HIPK3: variants seen among roughly 807,000 people sequenced by gnomAD.
HIPK3 encodes homeodomain interacting protein kinase 3, also known as homeodomain-interacting protein kinase 3.
HIPK3 carries 47 observed loss-of-function variants against 124.2 expected under a neutral mutation model. The ratio of observed to expected loss-of-function variants is 0.38; its 90% CI spans 0.30 to 0.48. The LOEUF is 0.48. Ranked by LOEUF, HIPK3 falls within the 20% of genes least tolerant of loss-of-function variation. The probability of loss-of-function intolerance (pLI) is 0.98; values close to 1 mark genes in which losing one functional copy is unlikely to be tolerated. For missense variants in HIPK3, 1,286 were observed against 1,454.3 expected, an observed-to-expected ratio of 0.88 and a Z score of 1.88; for synonymous variants, 482 against 515.2, an observed-to-expected ratio of 0.94 and a Z score of 0.87.
chr11:33,311,820 T>C (rs1852345558), intron 2 of HIPK3, among the ~76,000 whole-genome samples: 1 of 135,468 alleles, frequency 7.4e-6, no homozygotes, highest in South Asian at 2.4e-4. Flanking sequence ...TTGGGCAACA[T>C]AGCAGGACCC....
At chr11:33,325,300 A>G (rs922396482) in intron 2 of HIPK3, among the ~76,000 whole-genome samples, 1 of 152,086 alleles carries the variant, frequency 6.6e-6, no homozygotes, top group Admixed American at 6.6e-5. Context: ...ACTTTCCTTT[A>G]TTGCCAAATG....
chr11:33,261,818 T>G (rs1167768746), intron 1 of HIPK3, among the ~76,000 whole-genome samples: 1 of 152,240 alleles, frequency 6.6e-6, no homozygotes, highest in Admixed American at 6.5e-5. Flanking sequence ...GTGGCTGAAC[T>G]AATTTACATT....
At chr11:33,336,955 A>G in intron 3 of HIPK3, 120 bp from the exon 4 acceptor site, 1 of 618,482 alleles carries the variant, frequency 1.6e-6, no homozygotes, top group Non-Finnish European at 2.7e-6. Flanking sequence ...TAGACAGTGC[A>G]TTTCTTGAGG....
At position 33,353,288 on chromosome 11, in the gene HIPK3, C is replaced by T; in HGVS notation, c.3368C>T (p.Ser1123Leu). ...CAGCCTACTCTACTTCCATACCCAT[C>T]ATCAGCCACCCTCAGTAGTGCTGCA... ...GGQPTLLPYP[S>L]SATLSSAAPV... The change falls in exon 17 of 17, where the codon TCA (serine) becomes TTA (leucine). Residue 1123 changes from serine to leucine, a missense_variant. Physicochemically the swap from Ser to Leu is moderately radical, Grantham distance 145 (BLOSUM62 -2). Coordinates refer to ENST00000303296, the MANE Select transcript of HIPK3 (RefSeq NM_005734.5). 1 of 1,614,208 alleles carries T rather than the reference C, an allele frequency of 6.2e-7. No individual in the cohort carries two copies. The highest frequency in any genetic ancestry group is 8.5e-7 in the Non-Finnish European group (1 of 1,180,036).
At position 33,295,186 on chromosome 11, in the gene HIPK3, C is replaced by T. The variant is rs116179513; in HGVS notation, c.1097+7675C>T. On this transcript the variant is annotated intron_variant, in intron 2 of 16. Transcript: ENST00000303296. ...GGGAGGATCATAAAATGTGCCAGGA[C>T]GAGACGCTTTTAGAGGCTGTGCCCA... is the stretch of plus-strand genomic sequence containing the variant. Among the ~76,000 whole-genome samples the T allele has an allele frequency of 3.1e-3, 476 of 152,098 alleles. 2 individuals carry two copies. Among genetic ancestry groups the T allele is most frequent in the African/African-American group, 0.011 (448 of 41,470 alleles).
Position 33,337,080 on chromosome 11 carries a change from A to G in HIPK3, c.1227A>G (p.Arg409=), listed in dbSNP as rs377260169. 4.4e-6 allele frequency: 7 copies of G among 1,595,784 alleles called. No individual in the cohort carries two copies. Among genetic ancestry groups the G allele is most frequent in the East Asian group, 2.2e-5 (1 of 44,626 alleles). The change falls in exon 4 of 17, where the codon CGA becomes CGG. Residue 409 remains arginine, a synonymous_variant. Coordinates refer to ENST00000303296, the MANE Select transcript of HIPK3 (RefSeq NM_005734.5). ...YPGALEYDQI[R]YISQTQGLPG... ...TTCTGTAAATTATTTTTCAGATTCGATACATTTCTCAGACTCAAGGTTTGC... is the reference window on the plus strand; with the variant it reads ...TTCTGTAAATTATTTTTCAGATTCGGTACATTTCTCAGACTCAAGGTTTGC...
intron 2 of HIPK3, among the ~76,000 whole-genome samples, chr11:33,315,764 T>C (rs1348916311): frequency 6.6e-6 from 1 of 152,260 alleles, no homozygotes; most frequent in Non-Finnish European, 1.5e-5. Flanking sequence ...ACTATATTTG[T>C]GGCATATTGG....
In HIPK3 at chr11:33,354,639, A is replaced by AT. The variant is rs1853766910; in HGVS notation, c.*1073dup. ...AATAAATAGTAGCAGAACTTTTACT[A>AT]TTGAAGCTTGAAAAGATGTGAGTTC... On this transcript the variant is annotated 3_prime_UTR_variant, in exon 17 of 17. Coordinates refer to ENST00000303296, the MANE Select transcript of HIPK3 (RefSeq NM_005734.5). The AT allele has an allele frequency of 6.6e-6, 1 of 151,702 alleles. No individual in the cohort carries two copies. The highest frequency in any genetic ancestry group is 1.5e-5 in the Non-Finnish European group (1 of 67,862). The allele number at this position is 151,702 out of a possible 1,614,324, so 9.4% of individuals were successfully genotyped here. A position where few individuals can be genotyped will look rare whatever the true frequency, so the allele number is the denominator to read the frequency against.
intron 1 of HIPK3, among the ~76,000 whole-genome samples, chr11:33,264,050 T>G (rs528996516): frequency 6.6e-6 from 1 of 152,248 alleles, no homozygotes; most frequent in Non-Finnish European, 1.5e-5. Flanking sequence ...ACTTCTGATA[T>G]CTATGTCTGT....
intron 3 of HIPK3, among the ~76,000 whole-genome samples, chr11:33,336,115 G>A (rs138098439): frequency 0.01 from 1,557 of 152,278 alleles, 8 homozygotes; most frequent in Non-Finnish European, 0.015. Context: ...GATGGTGGGT[G>A]AGTTACTGAG....
intron 3 of HIPK3, among the ~76,000 whole-genome samples, chr11:33,335,278 G>T (rs266479): frequency 0.014 from 2,098 of 152,170 alleles, 52 homozygotes; most frequent in African/African-American, 0.048. Flanking sequence ...GGGCACTTAG[G>T]ACTTGTAGAG....
chr11:33,258,414 T>G, intron 1 of HIPK3: 2 of 985,576 alleles, frequency 2.0e-6, no homozygotes, highest in Non-Finnish European at 2.4e-6. Flanking sequence ...TGTGGCCCCG[T>G]CCCCAGCGTC....
intron 6 of HIPK3, 64 bp from the exon 7 acceptor site, chr11:33,340,904 G>A: frequency 1.0e-6 from 1 of 979,022 alleles, no homozygotes; most frequent in Non-Finnish European, 1.5e-6. Flanking sequence ...TTTTGTCAAT[G>A]TACCTCAATT....
At chr11:33,312,143 C>T (rs1319137279) in intron 2 of HIPK3, among the ~76,000 whole-genome samples, 2 of 152,204 alleles carry the variant, frequency 1.3e-5, no homozygotes, top group East Asian at 1.9e-4. Context: ...TACAGATGTG[C>T]ACCACTGTCT....
chr11:33,346,636 T>G (rs1461366044), intron 8 of HIPK3, among the ~76,000 whole-genome samples: 2 of 152,244 alleles, frequency 1.3e-5, no homozygotes, highest in African/African-American at 4.8e-5. Flanking sequence ...TAAGCCAGAT[T>G]CTTCTTTCCA....
intron 1 of HIPK3, among the ~76,000 whole-genome samples, chr11:33,279,731 A>G (rs1337051271): frequency 6.6e-6 from 1 of 152,204 alleles, no homozygotes; most frequent in East Asian, 1.9e-4. Context: ...GGTAATTTCT[A>G]AAGAGCATAA....
rs1852869426 is a variant in HIPK3, at chr11:33,328,329, G to A, written c.1098-181G>A. ...TTATTATAGAAATGTTGTACTCATA[G>A]TACCCCTTTCAGATTAATTCAGGAT... On this transcript the variant is annotated intron_variant, in intron 2 of 16. Transcript: ENST00000303296. Among the ~76,000 whole-genome samples the A allele has an allele frequency of 2.6e-5, 4 of 152,268 alleles. No individual in the cohort carries two copies. The South Asian group carries it at 8.3e-4, about 32-fold the overall frequency.
intron 1 of HIPK3, chr11:33,258,478 T>C: frequency 1.0e-6 from 1 of 985,034 alleles, no homozygotes; most frequent in Non-Finnish European, 1.2e-6. Flanking sequence ...TGCGTGTGTG[T>C]GATTGTTGGG....
In HIPK3 at chr11:33,328,792, T is replaced by C. The variant is rs549809809; in HGVS notation, c.1221+159T>C. 9.8e-5 allele frequency among the ~76,000 whole-genome samples: 15 copies of C among 152,316 alleles called. No homozygotes were observed. In the South Asian group the frequency reaches 3.1e-3, roughly 32 times the overall value. ...GTAGAATTGATTTTGAAAACTGTTT[T>C]ATAATGCTGAAGTAAGTTTTCATAA... On this transcript the variant is annotated intron_variant, in intron 3 of 16. Transcript: ENST00000303296.
Sources: gnomAD v4.1 joint callset for allele counts (sites outside exome capture counted in the v4.1 genomes callset) on GRCh38, gnomAD v4.1.1 for gene constraint, MANE v1.5 for transcripts, NCBI Gene and HGNC (gene_info 2026-07-23, HGNC 2026-07-21) for gene names.